Variants in EIF4G3 observed in about 807,000 individuals in gnomAD.
EIF4G3 encodes eukaryotic translation initiation factor 4 gamma 3, also known as eIF-4-gamma 3.
Under a neutral mutation model 186.4 loss-of-function variants are expected in EIF4G3, and 34 were observed. That is an observed-to-expected ratio of 0.18 (90% confidence interval 0.14 to 0.24). The LOEUF (loss-of-function observed/expected upper bound fraction) is 0.24, where lower values mean the gene tolerates loss of function less well. EIF4G3 is among the 10% of genes least tolerant of loss of function. The probability of loss-of-function intolerance (pLI) is 1.00; values close to 1 mark genes in which losing one functional copy is unlikely to be tolerated. For missense variants in EIF4G3, 1,536 were observed against 1,948.5 expected (o/e 0.79, Z 3.99); for synonymous variants, 673 against 679.5 (o/e 0.99, Z 0.15).
chr1:20,917,836 A>G (rs930177052), intron 14 of EIF4G3, among the ~76,000 whole-genome samples: 2 of 152,186 alleles, frequency 1.3e-5, no homozygotes, highest in Non-Finnish European at 2.9e-5. Context: ...GCATTTCCAT[A>G]TATCTATTAC....
intron 29 of EIF4G3, among the ~76,000 whole-genome samples, chr1:20,846,909 C>T (rs10916878): frequency 0.26 from 40,187 of 152,064 alleles, 6,581 homozygotes; most frequent in East Asian, 0.4. Context: ...GTGCCAGGCA[C>T]AAAATAAACC....
At chr1:21,169,158 T>C (rs1237511459) in intron 2 of EIF4G3, among the ~76,000 whole-genome samples, 5 of 151,414 alleles carry the variant, frequency 3.3e-5, no homozygotes, top group Non-Finnish European at 5.9e-5. Context: ...ACCCCACCTC[T>C]TTAAAAAAGT....
At chr1:20,879,891 T>C (rs938489476) in intron 19 of EIF4G3, among the ~76,000 whole-genome samples, 1 of 152,140 alleles carries the variant, frequency 6.6e-6, no homozygotes, top group African/African-American at 2.4e-5. Context: ...TAAAAATACT[T>C]TAGCCACATA....
chr1:21,139,741 G>A (rs7550739), intron 2 of EIF4G3, among the ~76,000 whole-genome samples: 1 of 152,066 alleles, frequency 6.6e-6, no homozygotes, highest in Non-Finnish European at 1.5e-5. Flanking sequence ...CCAACTTAGA[G>A]TGCAGTGGCT....
intron 14 of EIF4G3, among the ~76,000 whole-genome samples, chr1:20,908,721 C>T (rs576288827): frequency 6.6e-6 from 1 of 152,202 alleles, no homozygotes; most frequent in East Asian, 1.9e-4. Context: ...AACAACTATC[C>T]CTATACAACC....
chr1:20,823,104 T>A (rs1335334781), intron 33 of EIF4G3, among the ~76,000 whole-genome samples: 1 of 152,164 alleles, frequency 6.6e-6, no homozygotes, highest in Non-Finnish European at 1.5e-5. Flanking sequence ...AAATCTTTCA[T>A]CTGTCTTTGG....
At chr1:20,977,191 A>T (rs960835489) in intron 10 of EIF4G3, among the ~76,000 whole-genome samples, 42 of 145,610 alleles carry the variant, frequency 2.9e-4, no homozygotes, top group Admixed American at 1.8e-3. Context: ...TATTATTGAA[A>T]TTTTTTTTTT....
intron 4 of EIF4G3, among the ~76,000 whole-genome samples, chr1:21,023,643 C>T (rs983764688): frequency 6.6e-5 from 10 of 152,162 alleles, no homozygotes; most frequent in African/African-American, 2.2e-4. Flanking sequence ...CTTGGCCTCC[C>T]AAAGTGCCGA....
chr1:21,059,032 G>A (rs2094738040), intron 3 of EIF4G3, among the ~76,000 whole-genome samples: 1 of 151,794 alleles, frequency 6.6e-6, no homozygotes, highest in Admixed American at 6.6e-5. Flanking sequence ...AAAAAGTATA[G>A]TAATTAATCA....
intron 4 of EIF4G3, among the ~76,000 whole-genome samples, chr1:21,027,668 T>G (rs1458147130): frequency 6.6e-6 from 1 of 152,012 alleles, no homozygotes; most frequent in East Asian, 1.9e-4. Context: ...GTGGAGAAAG[T>G]GGAACTCTTG....
chr1:21,002,665 C>CA (rs759068707), intron 5 of EIF4G3, 48 bp downstream of exon 5: 2 of 1,593,968 alleles, frequency 1.3e-6, no homozygotes, highest in South Asian at 2.3e-5. Context: ...ACTACACACA[C>CA]AAACACAGGT....
intron 7 of EIF4G3, among the ~76,000 whole-genome samples, chr1:20,986,018 C>T (rs866549074): frequency 6.6e-6 from 1 of 152,102 alleles, no homozygotes; most frequent in Non-Finnish European, 1.5e-5. Flanking sequence ...GTTATGTGAA[C>T]GCTGCCATTA....
chr1:20,865,007 C>T (rs563193850), intron 21 of EIF4G3, 109 bp downstream of exon 21: 10 of 1,273,308 alleles, frequency 7.9e-6, no homozygotes, highest in Middle Eastern at 2.0e-4. Context: ...AAAAAAAAGG[C>T]CATAGGTCCC....
intron 14 of EIF4G3, among the ~76,000 whole-genome samples, chr1:20,938,165 T>C (rs1558324724): frequency 6.6e-6 from 1 of 152,090 alleles, no homozygotes. Context: ...TGGGTAATTT[T>C]TGTATTTTTA....
chr1:21,168,390 C>T (rs1244165143), intron 2 of EIF4G3, among the ~76,000 whole-genome samples: 1 of 151,632 alleles, frequency 6.6e-6, no homozygotes, highest in Non-Finnish European at 1.5e-5. Flanking sequence ...GGTGACAGAG[C>T]GAGGCTCCGT....
At chr1:20,930,944 G>A (rs1312740537) in intron 14 of EIF4G3, among the ~76,000 whole-genome samples, 2 of 151,696 alleles carry the variant, frequency 1.3e-5, no homozygotes, top group African/African-American at 2.4e-5. Context: ...GAGCTCAAAT[G>A]ATCATCCCAC....
chr1:20,845,252 A>G (rs893694844), intron 29 of EIF4G3, among the ~76,000 whole-genome samples: 2 of 152,204 alleles, frequency 1.3e-5, no homozygotes, highest in Admixed American at 6.5e-5. Flanking sequence ...GGTTTGTTGA[A>G]GATAAGATAA....
chr1:20,827,660 C>G lies in EIF4G3; in HGVS notation c.4226G>C (p.Gly1409Ala), dbSNP rs1240092797. The G allele has an allele frequency of 2.5e-6, 4 of 1,612,572 alleles. No homozygotes were observed. Among genetic ancestry groups the G allele is most frequent in the Admixed American group, 3.3e-5 (2 of 59,972 alleles). The change falls in exon 32 of 37, where the codon GGG becomes GCG. Residue 1409 changes from glycine to alanine, a missense_variant. Coordinates refer to ENST00000602326, the MANE Select transcript of EIF4G3 (RefSeq NM_001391906.1). ...GTGCAATATTTCAGATAGCAAGACC[C>G]CAGCTCTTCCAACAGGAAGTAAAGG... The part of the protein sequence containing the change: ...SKPLLPVGRA[G>A]VLLSEILHLL...
At chr1:21,062,430 T>A (rs2094965831) in intron 3 of EIF4G3, among the ~76,000 whole-genome samples, 1 of 151,996 alleles carries the variant, frequency 6.6e-6, no homozygotes, top group African/African-American at 2.4e-5. Flanking sequence ...TAAACTAAAA[T>A]TAAATCAAAG....
Sources: gnomAD v4.1 joint callset for allele counts (sites outside exome capture counted in the v4.1 genomes callset) on GRCh38, gnomAD v4.1.1 for gene constraint, MANE v1.5 for transcripts, NCBI Gene and HGNC (gene_info 2026-07-23, HGNC 2026-07-21) for gene names.